NDUFS3: variants seen among roughly 807,000 people sequenced by gnomAD.
NDUFS3 encodes the protein NADH:ubiquinone oxidoreductase core subunit S3, also known as NADH dehydrogenase [ubiquinone] iron-sulfur protein 3, mitochondrial.
A neutral mutation model predicts 30.8 loss-of-function variants in NDUFS3; 19 were observed. That is an observed-to-expected ratio of 0.62 (90% CI 0.43 to 0.91). The LOEUF (loss-of-function observed/expected upper bound fraction) is 0.91. NDUFS3 is among the 40% of genes least tolerant of loss of function. NDUFS3 has a pLI of 0.00. For missense variants in NDUFS3, 331 were observed against 342.0 expected (o/e 0.97, Z 0.25); for synonymous variants, 153 against 135.8 (o/e 1.13, Z -0.88).
chr11:47,580,307 T>C (rs894898465), intron 2 of NDUFS3, among the ~76,000 whole-genome samples: 1 of 152,216 alleles, frequency 6.6e-6, no homozygotes, highest in Admixed American at 6.5e-5. Flanking sequence ...CCAGCTGCTA[T>C]AGTAAGAGTC....
rs376307590 is a variant in NDUFS3 at position 47,579,142 on chromosome 11, C to A, written c.51C>A (p.Ala17=). The change falls in exon 1 of 7, where the codon GCC becomes GCA. Residue 17 remains alanine (A), a synonymous_variant. Coordinates refer to ENST00000263774, the MANE Select transcript of NDUFS3 (RefSeq NM_004551.3). ...TGTGGTGGCGCGGGATCTTGGGGGC[C>A]TCGGCGCTGACCAGGGGTGAGCACG... ...ARLWWRGILG[A]SALTRGTGRP... is the part of the protein sequence containing the mutation. 1.2e-6 allele frequency: 2 copies of A among 1,602,696 alleles called. No homozygotes were observed. Among genetic ancestry groups the A allele is most frequent in the Non-Finnish European group, 1.7e-6 (2 of 1,175,782 alleles).
At chr11:47,583,112 G>T (rs182494963) in intron 6 of NDUFS3, among the ~76,000 whole-genome samples, 1 of 151,754 alleles carries the variant, frequency 6.6e-6, no homozygotes, top group South Asian at 2.1e-4. Flanking sequence ...GCAGTGGTGC[G>T]ATCATGGCTC....
Position 47,582,113 on chromosome 11 carries a change from G to A in NDUFS3, c.407G>A (p.Arg136His), listed in dbSNP as rs1206085116. 20 of 1,613,754 alleles carry A rather than the reference G, an allele frequency of 1.2e-5. No homozygotes were observed. The highest frequency in any genetic ancestry group is 2.7e-5 in the African/African-American group (2 of 74,806). Residue 136 changes from arginine to histidine, a missense_variant, in exon 5 of 7, where the codon CGC (arginine) becomes CAC (histidine). Arg to His is a conservative substitution (Grantham distance 29). Transcript: ENST00000263774. The stretch of plus-strand genomic sequence containing the variant: ...ATTGTCTACAACCTGTTGTCTCTGC[G>A]CTTCAACTCACGGATCCGTGTGAAG... ...FEIVYNLLSLRFNSRIRVKTY... is the reference protein window; with the variant it reads ...FEIVYNLLSLHFNSRIRVKTY...
intron 3 of NDUFS3, 98 bp from the exon 4 acceptor site, chr11:47,580,737 G>A (rs1462470098): frequency 1.3e-6 from 2 of 1,595,372 alleles, no homozygotes; most frequent in East Asian, 2.2e-5. Flanking sequence ...TCCCAAGCTT[G>A]GACTTTTCTC....
At chr11:47,582,605 T>C in intron 6 of NDUFS3, 137 bp downstream of exon 6, 1 of 1,392,198 alleles carries the variant, frequency 7.2e-7, no homozygotes, top group Non-Finnish European at 9.9e-7. Flanking sequence ...AGATCCTAGC[T>C]TCATTTTTGT....
intron 6 of NDUFS3, among the ~76,000 whole-genome samples, chr11:47,583,664 T>C (rs1211165611): frequency 6.6e-6 from 1 of 152,238 alleles, no homozygotes; most frequent in African/African-American, 2.4e-5. Context: ...CCTGCTCTTT[T>C]AGTTCCCAGT....
rs2097268561 is a variant in NDUFS3, at chr11:47,580,980, T to C, written c.377T>C (p.Phe126Ser). The change falls in exon 4 of 7, where the codon TTT becomes TCT. Residue 126 changes from phenylalanine to serine, a missense_variant. By Grantham distance (155) the Phe-to-Ser change is radical (BLOSUM62 -2). Coordinates refer to ENST00000263774, the MANE Select transcript of NDUFS3 (RefSeq NM_004551.3). ...GACGTCCCAACTCGGCAAAACCGTTTTGAGGTCAGTTGGGAGATCTGAGAA... is the reference window on the plus strand; with the variant it reads ...GACGTCCCAACTCGGCAAAACCGTTCTGAGGTCAGTTGGGAGATCTGAGAA... ...AVDVPTRQNR[F>S]EIVYNLLSLR... 6.2e-7 allele frequency: 1 copy of C among 1,614,206 alleles called. No homozygotes were observed. The highest frequency in any genetic ancestry group is 8.5e-7 in the Non-Finnish European group (1 of 1,180,036).
chr11:47,579,801 A>G (rs2097267109), intron 2 of NDUFS3: 1 of 237,744 alleles, frequency 4.2e-6, no homozygotes, highest in African/African-American at 2.2e-5. Flanking sequence ...CTAGTGAATG[A>G]CAAAGTAGGC....
In NDUFS3 at chr11:47,579,118, G is replaced by A; in HGVS notation, c.27G>A (p.Leu9=). 4 of 1,589,078 alleles carry A rather than the reference G, an allele frequency of 2.5e-6. No individual in the cohort carries two copies. Among genetic ancestry groups the A allele is most frequent in the Non-Finnish European group, 3.4e-6 (4 of 1,169,460 alleles). The part of the protein sequence containing the change: MAAAAVAR[L]WWRGILGASA... ...TGGCGGCGGCGGCGGTAGCCAGGCT[G>A]TGGTGGCGCGGGATCTTGGGGGCCT... The change falls in exon 1 of 7, where the codon CTG becomes CTA. Residue 9 remains leucine (L), a synonymous_variant. Transcript: ENST00000263774.
Position 47,579,113 on chromosome 11 carries a change from A to C in NDUFS3, c.22A>C (p.Arg8=). The C allele has an allele frequency of 6.3e-7, 1 of 1,585,256 alleles. No homozygotes were observed. The highest frequency in any genetic ancestry group is 8.6e-7 in the Non-Finnish European group (1 of 1,167,396). The stretch of plus-strand genomic sequence containing the variant: ...TAACATGGCGGCGGCGGCGGTAGCC[A>C]GGCTGTGGTGGCGCGGGATCTTGGG... MAAAAVA[R]LWWRGILGAS... The change falls in exon 1 of 7, where the codon AGG becomes CGG. Residue 8 remains arginine, a synonymous_variant. Transcript: ENST00000263774.
chr11:47,580,687 A>C lies in NDUFS3; in HGVS notation c.231+65A>C, dbSNP rs138166002. 3 of 1,586,452 alleles carry C rather than the reference A, an allele frequency of 1.9e-6. No individual in the cohort carries two copies. The African/African-American group carries it at 4.0e-5, about 21-fold the overall frequency. On this transcript the variant is annotated intron_variant, in intron 3 of 6. Coordinates refer to ENST00000263774, the MANE Select transcript of NDUFS3 (RefSeq NM_004551.3). ...GAACCATGTTCGCAGGGCATGTGGG[A>C]GTGGGCAGACTTGTTTCAAAGAAAC... is the stretch of plus-strand genomic sequence containing the variant.
intron 4 of NDUFS3, chr11:47,581,256 C>T (rs1458931085): frequency 9.4e-6 from 4 of 425,822 alleles, no homozygotes; most frequent in African/African-American, 4.1e-5. Context: ...CAGGTTCAAG[C>T]GATTCCCCTG....
Position 47,580,929 on chromosome 11 carries a change from A to G in NDUFS3, c.326A>G (p.Lys109Arg). ...FLRDHTNAQF[K>R]SLVDLTAVDV... The stretch of plus-strand genomic sequence containing the variant: ...AGGGATCACACCAATGCACAGTTCA[A>G]ATCTCTGGTTGACTTGACAGCAGTG... Residue 109 changes from lysine to arginine, a missense_variant, in exon 4 of 7, where the codon AAA (lysine) becomes AGA (arginine). By Grantham distance (26) the Lys-to-Arg change is conservative. Coordinates refer to ENST00000263774, the MANE Select transcript of NDUFS3 (RefSeq NM_004551.3). The G allele has an allele frequency of 3.1e-6, 5 of 1,614,180 alleles. No homozygotes were observed. Among genetic ancestry groups the G allele is most frequent in the South Asian group, 1.1e-5 (1 of 91,086 alleles).
chr11:47,584,286 T>A (rs1377223192), intron 6 of NDUFS3, 28 bp from the exon 7 acceptor site: 3 of 1,613,786 alleles, frequency 1.9e-6, no homozygotes, highest in Admixed American at 1.7e-5. Flanking sequence ...ACTTCCTTAG[T>A]GCTCAAGCCT....
chr11:47,582,955 C>T (rs191030392), intron 6 of NDUFS3, among the ~76,000 whole-genome samples: 79 of 152,196 alleles, frequency 5.2e-4, no homozygotes, highest in African/African-American at 1.9e-3. Flanking sequence ...CGAGATCACG[C>T]CACTGCTCTC....
chr11:47,579,272 C>T lies in NDUFS3; in HGVS notation c.71C>T (p.Thr24Ile). 1 of 1,614,212 alleles carries T rather than the reference C, an allele frequency of 6.2e-7. No homozygotes were observed. Residue 24 changes from threonine to isoleucine, a missense_variant, in exon 2 of 7, where the codon ACT becomes ATT. Physicochemically the swap from Thr to Ile is moderately conservative, Grantham distance 89. Coordinates refer to ENST00000263774, the MANE Select transcript of NDUFS3 (RefSeq NM_004551.3). Reference protein sequence around the residue: ...ILGASALTRGTGRPSVLLLPV... With the variant: ...ILGASALTRGIGRPSVLLLPV... ...TGCCTTTTATCTCCCTGTGCAGGGA[C>T]TGGGCGACCCTCCGTTCTGTTGCTG...
rs1203939196 is a variant in NDUFS3 at position 47,584,348 on chromosome 11, C to A, written c.662C>A (p.Ala221Glu). ...GATGATGAAGTGAAGCGGGTGGTGG[C>A]AGAGCCGGTGGAGTTGGCCCAAGAG... The part of the protein sequence containing the change: ...RYDDEVKRVV[A>E]EPVELAQEFR... Residue 221 changes from alanine (A) to glutamate (E), a missense_variant, in exon 7 of 7, where the codon GCA (alanine) becomes GAA (glutamate). Coordinates refer to ENST00000263774, the MANE Select transcript of NDUFS3 (RefSeq NM_004551.3). 1 of 1,614,124 alleles carries A rather than the reference C, an allele frequency of 6.2e-7. No individual in the cohort carries two copies. The highest frequency in any genetic ancestry group is 1.1e-5 in the South Asian group (1 of 91,080).
At chr11:47,579,648 T>G (rs889030053) in intron 2 of NDUFS3, 3 of 535,788 alleles carry the variant, frequency 5.6e-6, no homozygotes, top group African/African-American at 1.9e-5. Context: ...GAGTGCTTAA[T>G]GTGTGCCTGG....
Position 47,582,140 on chromosome 11 carries a change from C to G in NDUFS3, c.434C>G (p.Thr145Ser), listed in dbSNP as rs28939714. The G allele has an allele frequency of 6.2e-7, 1 of 1,613,592 alleles. No individual in the cohort carries two copies. The highest frequency in any genetic ancestry group is 8.5e-7 in the Non-Finnish European group (1 of 1,179,842). ...LRFNSRIRVK[T>S]YTDELTPIES... The stretch of plus-strand genomic sequence containing the variant: ...TTCAACTCACGGATCCGTGTGAAGA[C>G]CTACACAGATGAGCTGACGCCCATT... The change falls in exon 5 of 7, where the codon ACC becomes AGC. Residue 145 changes from threonine (T) to serine (S), a missense_variant. Physicochemically the swap from Thr to Ser is moderately conservative, Grantham distance 58. Coordinates refer to ENST00000263774, the MANE Select transcript of NDUFS3 (RefSeq NM_004551.3).
Sources: gnomAD v4.1 joint callset for allele counts (sites outside exome capture counted in the v4.1 genomes callset) on GRCh38, gnomAD v4.1.1 for gene constraint, MANE v1.5 for transcripts, NCBI Gene and HGNC (gene_info 2026-07-23, HGNC 2026-07-21) for gene names.